Variants in PDE8B observed in about 807,000 individuals in gnomAD.
The protein encoded by PDE8B is phosphodiesterase 8B, also known as high affinity cAMP-specific and IBMX-insensitive 3',5'-cyclic phosphodiesterase 8B.
A neutral mutation model predicts 101.3 loss-of-function variants in PDE8B; 26 were observed. The ratio of observed to expected loss-of-function variants is 0.26; its 90% CI spans 0.19 to 0.36. The LOEUF (loss-of-function observed/expected upper bound fraction) is 0.36, where lower values mean the gene tolerates loss of function less well. PDE8B is among the 10% of genes least tolerant of loss of function. The probability of loss-of-function intolerance (pLI) is 1.00; values close to 1 mark genes in which losing one functional copy is unlikely to be tolerated. For missense variants in PDE8B, 810 were observed against 1,163.1 expected (o/e 0.70, Z 4.42); for synonymous variants, 424 against 429.3 (o/e 0.99, Z 0.15).
the PDE8B span, among the ~76,000 whole-genome samples, chr5:77,180,202 A>G: frequency 4.6e-5 from 7 of 152,152 alleles, no homozygotes; most frequent in Admixed American, 1.3e-4. Flanking sequence ...AGCGGGCTCA[A>G]AGTCTTGGCT....
the PDE8B span, among the ~76,000 whole-genome samples, chr5:77,136,696 G>A: frequency 1.3e-5 from 2 of 152,080 alleles, no homozygotes; most frequent in African/African-American, 4.8e-5. Context: ...ATTGATGTCT[G>A]GAGAGAAGAA....
the PDE8B span, among the ~76,000 whole-genome samples, chr5:77,199,339 TTC>T: frequency 6.6e-6 from 1 of 152,220 alleles, no homozygotes; most frequent in African/African-American, 2.4e-5. Flanking sequence ...ATGTATATAC[TTC>T]TCTCTCACAA....
At chr5:77,404,933 A>G (rs1793127711) in intron 12 of PDE8B, 136 bp downstream of exon 12, 1 of 672,210 alleles carries the variant, frequency 1.5e-6, no homozygotes, top group South Asian at 1.6e-5. Flanking sequence ...AATAAGCTCA[A>G]AGGTTTTAGG....
At chr5:77,213,101 C>A (rs113397092) in intron 1 of PDE8B, among the ~76,000 whole-genome samples, 10 of 152,154 alleles carry the variant, frequency 6.6e-5, no homozygotes, top group African/African-American at 2.2e-4. Context: ...GCTTAGAGAC[C>A]AAATGAAGTA....
In PDE8B at chr5:77,418,237, C is replaced by T. The variant is rs371257177; in HGVS notation, c.1920C>T (p.Leu640=). Residue 640 remains leucine, a synonymous_variant, in exon 18 of 22, where the codon CTC becomes CTT. Transcript: ENST00000264917. The stretch of plus-strand genomic sequence containing the variant: ...GCCTCCCCATATCCCAGGGAAGCCT[C>T]GATCAGTTGGATGAGGTGGCAGCCC... The part of the protein sequence containing the change: ...FLGKERVKGS[L]DQLDEVAALI... The T allele has an allele frequency of 3.1e-6, 5 of 1,610,860 alleles. No individual in the cohort carries two copies. Among genetic ancestry groups the T allele is most frequent in the East Asian group, 4.5e-5 (2 of 44,872 alleles).
At chr5:77,224,963 CT>C (rs1454491813) in intron 1 of PDE8B, among the ~76,000 whole-genome samples, 8 of 149,664 alleles carry the variant, frequency 5.3e-5, no homozygotes, top group South Asian at 2.1e-4. Flanking sequence ...GGTTTATTTA[CT>C]TTTTTTTTTG....
chr5:77,423,636 T>A (rs902395609), intron 20 of PDE8B, among the ~76,000 whole-genome samples: 2 of 98,838 alleles, frequency 2.0e-5, no homozygotes, highest in East Asian at 5.1e-4. Context: ...TGTTTAGTTT[T>A]TTTTTTTTTT....
the PDE8B span, chr5:77,100,262 G>A: frequency 2.0e-5 from 3 of 152,166 alleles, no homozygotes; most frequent in South Asian, 2.1e-4. Context: ...ATAAAGGCCC[G>A]TAGTGTACTT....
chr5:77,338,198 G>C (rs1170094181), intron 6 of PDE8B, among the ~76,000 whole-genome samples: 2 of 152,188 alleles, frequency 1.3e-5, no homozygotes, highest in Non-Finnish European at 2.9e-5. Flanking sequence ...AAGTAGGAGA[G>C]CATCCTATTA....
chr5:77,300,134 G>A (rs1326224555), intron 1 of PDE8B, among the ~76,000 whole-genome samples: 1 of 152,160 alleles, frequency 6.6e-6, no homozygotes, highest in Non-Finnish European at 1.5e-5. Flanking sequence ...GAGAACCTGA[G>A]GCTCATCAAA....
At chr5:77,221,272 C>T (rs2149432579) in intron 1 of PDE8B, among the ~76,000 whole-genome samples, 1 of 152,252 alleles carries the variant, frequency 6.6e-6, no homozygotes, top group South Asian at 2.1e-4. Flanking sequence ...CTTCCCCTTC[C>T]AGTCTCTCTT....
chr5:77,100,579 G>C, the PDE8B span, among the ~76,000 whole-genome samples: 1 of 152,122 alleles, frequency 6.6e-6, no homozygotes, highest in Admixed American at 6.5e-5. Flanking sequence ...CGGTGGGAGG[G>C]GATATGGAAA....
chr5:77,107,815 T>C, the PDE8B span, among the ~76,000 whole-genome samples: 1 of 152,224 alleles, frequency 6.6e-6, no homozygotes, highest in African/African-American at 2.4e-5. Context: ...TTGATTAATA[T>C]ATATCTAACC....
chr5:77,280,569 G>A (rs1764765339), intron 1 of PDE8B, among the ~76,000 whole-genome samples: 1 of 152,190 alleles, frequency 6.6e-6, no homozygotes, highest in Non-Finnish European at 1.5e-5. Flanking sequence ...CTTATTGTCA[G>A]TTTTTTTCCT....
At position 77,419,770 on chromosome 5, in the gene PDE8B, C is replaced by G. The variant is rs1310981341; in HGVS notation, c.2133C>G (p.Asn711Lys). Residue 711 changes from asparagine (N) to lysine (K), a missense_variant, in exon 19 of 22, where the codon AAC becomes AAG. Transcript: ENST00000264917. ...KCNIFKNIDRNHYRTLRQAII... is the reference protein window; with the variant it reads ...KCNIFKNIDRKHYRTLRQAII... Reference sequence around the variant, plus strand: ...CTTTGTCTTGTGGTTATTTTAGGAACCATTATCGAACGCTGCGCCAGGCTA... The same window carrying G: ...CTTTGTCTTGTGGTTATTTTAGGAAGCATTATCGAACGCTGCGCCAGGCTA... The G allele has an allele frequency of 1.2e-6, 2 of 1,613,946 alleles. No homozygotes were observed. The highest frequency in any genetic ancestry group is 1.7e-6 in the Non-Finnish European group (2 of 1,179,908).
At chr5:77,362,660 C>T (rs2150569496) in intron 10 of PDE8B, among the ~76,000 whole-genome samples, 1 of 152,328 alleles carries the variant, frequency 6.6e-6, no homozygotes, top group South Asian at 2.1e-4. Flanking sequence ...CATCATCAGG[C>T]ATCTTTGAGG....
chr5:77,103,545 C>T, the PDE8B span, among the ~76,000 whole-genome samples: 1 of 152,170 alleles, frequency 6.6e-6, no homozygotes, highest in Non-Finnish European at 1.5e-5. Context: ...GAGAAAATGA[C>T]TTGATGGGAG....
chr5:77,312,018 A>G lies in PDE8B; in HGVS notation c.364A>G (p.Ile122Val), dbSNP rs757231596. 3.1e-6 allele frequency: 5 copies of G among 1,613,366 alleles called. No individual in the cohort carries two copies. The highest frequency in any genetic ancestry group is 3.3e-5 in the Admixed American group (2 of 60,010). ...VKQVSSAEVR[I>V]GPMRLTQDPI... ...GCAGGTGTCTTCTGCGGAGGTGCGCATCGGGCCCATGAGACTGACGCAGGA... is the reference window on the plus strand; with the variant it reads ...GCAGGTGTCTTCTGCGGAGGTGCGCGTCGGGCCCATGAGACTGACGCAGGA... Residue 122 changes from isoleucine to valine, a missense_variant, in exon 2 of 22, where the codon ATC (isoleucine) becomes GTC (valine). By Grantham distance (29) the Ile-to-Val change is conservative. Coordinates refer to ENST00000264917, the MANE Select transcript of PDE8B (RefSeq NM_003719.5).
chr5:77,186,066 G>T, the PDE8B span, among the ~76,000 whole-genome samples: 1 of 152,198 alleles, frequency 6.6e-6, no homozygotes, highest in Non-Finnish European at 1.5e-5. Context: ...TGTCAAAAAT[G>T]GTGGCTATTA....
Sources: gnomAD v4.1 joint callset for allele counts (sites outside exome capture counted in the v4.1 genomes callset) on GRCh38, gnomAD v4.1.1 for gene constraint, MANE v1.5 for transcripts, NCBI Gene and HGNC (gene_info 2026-07-23, HGNC 2026-07-21) for gene names.